Variants in HRH1 observed in about 807,000 individuals in gnomAD.
HRH1 encodes the protein histamine H1 receptor.
Under a neutral mutation model 10.3 loss-of-function variants are expected in HRH1, and 6 were observed. That is an observed-to-expected ratio of 0.58 (90% CI 0.32 to 1.15). HRH1 has a LOEUF of 1.15. HRH1 is among the 50% of genes most tolerant of loss of function. HRH1 has a pLI of 0.05. For synonymous variants in HRH1, 242 were observed against 236.7 expected, an observed-to-expected ratio of 1.02 and a Z score of -0.21; for missense variants, 514 against 615.3, an observed-to-expected ratio of 0.84 and a Z score of 1.74.
At chr3:11,245,620 A>G (rs1350952985) in intron 1 of HRH1, among the ~76,000 whole-genome samples, 1 of 152,122 alleles carries the variant, frequency 6.6e-6, no homozygotes, top group East Asian at 1.9e-4. Context: ...TTGCTGGCAC[A>G]TGGGCCTGAT....
At chr3:11,189,461 G>A (rs1937506334) in intron 1 of HRH1, among the ~76,000 whole-genome samples, 1 of 152,142 alleles carries the variant, frequency 6.6e-6, no homozygotes, top group African/African-American at 2.4e-5. Context: ...AGTCAGTAGT[G>A]GTCAGTATTA....
intron 1 of HRH1, among the ~76,000 whole-genome samples, chr3:11,156,026 A>C (rs1442301307): frequency 6.6e-6 from 1 of 152,178 alleles, no homozygotes; most frequent in Non-Finnish European, 1.5e-5. Flanking sequence ...ATTATGAATG[A>C]AACTGAGGTG....
At chr3:11,241,919 ACT>A (rs2152580790) in intron 1 of HRH1, among the ~76,000 whole-genome samples, 1 of 152,164 alleles carries the variant, frequency 6.6e-6, no homozygotes, top group African/African-American at 2.4e-5. Context: ...ACCAATCAGC[ACT>A]CTGCAAAATG....
intron 1 of HRH1, among the ~76,000 whole-genome samples, chr3:11,240,870 T>C (rs73121676): frequency 0.023 from 3,541 of 152,308 alleles, 155 homozygotes; most frequent in African/African-American, 0.081. Context: ...ATTAATGTTC[T>C]GACTTACTTG....
At chr3:11,256,644 CA>C (rs1312652067) in intron 1 of HRH1, among the ~76,000 whole-genome samples, 1 of 151,748 alleles carries the variant, frequency 6.6e-6, no homozygotes, top group Non-Finnish European at 1.5e-5. Context: ...ACTAAAAATA[CA>C]AAAATTAGCT....
rs1386024730 is a variant in HRH1, at chr3:11,260,227, A to C, written c.1190A>C (p.His397Pro). The change falls in exon 2 of 2, where the codon CAT becomes CCT. Residue 397 changes from histidine to proline, a missense_variant. Coordinates refer to ENST00000431010, the MANE Select transcript of HRH1 (RefSeq NM_001098212.2). ...IKFTWKRLRS[H>P]SRQYVSGLHM... Reference sequence around the variant, plus strand: ...TTTACTTGGAAGAGGCTCCGCTCGCATTCAAGACAGTATGTATCTGGGTTG... The same window carrying C: ...TTTACTTGGAAGAGGCTCCGCTCGCCTTCAAGACAGTATGTATCTGGGTTG... The C allele has an allele frequency of 1.2e-6, 2 of 1,614,046 alleles. No homozygotes were observed. The highest frequency in any genetic ancestry group is 1.7e-6 in the Non-Finnish European group (2 of 1,180,040).
chr3:11,208,427 C>G (rs1487101485), intron 1 of HRH1, among the ~76,000 whole-genome samples: 1 of 152,208 alleles, frequency 6.6e-6, no homozygotes, highest in Non-Finnish European at 1.5e-5. Context: ...GCTGGAATTA[C>G]AGGCATGAGC....
At chr3:11,243,111 G>A (rs1356963310) in intron 1 of HRH1, among the ~76,000 whole-genome samples, 8 of 152,026 alleles carry the variant, frequency 5.3e-5, no homozygotes, top group African/African-American at 1.9e-4. Flanking sequence ...ACGGGGTTTC[G>A]CAATGCTGGC....
rs148956623 is a variant in HRH1 at position 11,222,022 on chromosome 3, C to T, written c.-35-36981C>T. Among the ~76,000 whole-genome samples the T allele has an allele frequency of 1.6e-4, 25 of 152,262 alleles. No homozygotes were observed. The East Asian group carries it at 4.8e-3, about 29-fold the overall frequency. ...TGATGGACATGTGGGTTGCTTCCAC[C>T]TTCTGGTTATTGTGAATAATGCTGC... On this transcript the variant is annotated intron_variant, in intron 1 of 1. Coordinates refer to ENST00000431010, the MANE Select transcript of HRH1 (RefSeq NM_001098212.2).
chr3:11,174,099 G>T (rs1040270413), intron 1 of HRH1, among the ~76,000 whole-genome samples: 2 of 152,206 alleles, frequency 1.3e-5, no homozygotes, highest in Admixed American at 6.5e-5. Context: ...GGCAAAATTA[G>T]TGGGCCATTC....
chr3:11,171,873 T>C (rs1382664923), intron 1 of HRH1, among the ~76,000 whole-genome samples: 3 of 152,232 alleles, frequency 2.0e-5, no homozygotes, highest in African/African-American at 7.2e-5. Context: ...TAAACTCAAC[T>C]TGCTTGCTTA....
intron 1 of HRH1, among the ~76,000 whole-genome samples, chr3:11,222,109 G>A (rs1485680520): frequency 6.6e-6 from 1 of 152,136 alleles, no homozygotes; most frequent in African/African-American, 2.4e-5. Flanking sequence ...TTCCAGTGAT[G>A]GTGTAGTTGT....
At chr3:11,234,863 T>C (rs1939134919) in intron 1 of HRH1, among the ~76,000 whole-genome samples, 1 of 152,196 alleles carries the variant, frequency 6.6e-6, no homozygotes, top group Non-Finnish European at 1.5e-5. Context: ...AGACTTATTT[T>C]TTTCATGTGT....
At chr3:11,211,080 A>G (rs1229838799) in intron 1 of HRH1, among the ~76,000 whole-genome samples, 1 of 152,254 alleles carries the variant, frequency 6.6e-6, no homozygotes, top group African/African-American at 2.4e-5. Flanking sequence ...AGTAGCAAGC[A>G]AATAAATCAA....
chr3:11,225,340 G>A (rs1242315680), intron 1 of HRH1, among the ~76,000 whole-genome samples: 3 of 152,200 alleles, frequency 2.0e-5, no homozygotes, highest in African/African-American at 7.2e-5. Flanking sequence ...TGGCCGGCTG[G>A]AGTCGGAGAG....
At chr3:11,237,735 G>T (rs1181371078) in intron 1 of HRH1, among the ~76,000 whole-genome samples, 1 of 131,326 alleles carries the variant, frequency 7.6e-6, no homozygotes, top group Non-Finnish European at 1.5e-5. Context: ...GAGTGCAGTG[G>T]CGTGATCTCA....
At chr3:11,187,781 G>A (rs928000309) in intron 1 of HRH1, among the ~76,000 whole-genome samples, 4 of 152,304 alleles carry the variant, frequency 2.6e-5, no homozygotes, top group African/African-American at 7.2e-5. Flanking sequence ...ACATGTAAAC[G>A]TGGTGTACAT....
At chr3:11,228,012 C>T (rs548803963) in intron 1 of HRH1, among the ~76,000 whole-genome samples, 1 of 152,286 alleles carries the variant, frequency 6.6e-6, no homozygotes, top group African/African-American at 2.4e-5. Flanking sequence ...CCTGGTACCA[C>T]ATTATTGTTT....
At chr3:11,196,563 A>G (rs1937658725) in intron 1 of HRH1, among the ~76,000 whole-genome samples, 1 of 152,026 alleles carries the variant, frequency 6.6e-6, no homozygotes, top group Non-Finnish European at 1.5e-5. Context: ...CTCCATTATG[A>G]TAGGGACATG....
Sources: gnomAD v4.1 joint callset for allele counts (sites outside exome capture counted in the v4.1 genomes callset) on GRCh38, gnomAD v4.1.1 for gene constraint, MANE v1.5 for transcripts, NCBI Gene and HGNC (gene_info 2026-07-23, HGNC 2026-07-21) for gene names.